CSMD3: variants seen among roughly 807,000 people sequenced by gnomAD.
The protein encoded by CSMD3 is CUB and sushi domain-containing protein 3.
A neutral mutation model predicts 435.2 loss-of-function variants in CSMD3; 177 were observed. The ratio of observed to expected loss-of-function variants is 0.41; its 90% CI spans 0.36 to 0.46. The LOEUF (loss-of-function observed/expected upper bound fraction) is 0.46, where lower values mean the gene tolerates loss of function less well. CSMD3 is among the 20% of genes least tolerant of loss of function. The probability of loss-of-function intolerance (pLI) is 0.34; values close to 1 mark genes in which losing one functional copy is unlikely to be tolerated. For synonymous variants in CSMD3, 1,656 were observed against 1,520.5 expected, an observed-to-expected ratio of 1.09 and a Z score of -2.07; for missense variants, 4,265 against 4,504.6, an observed-to-expected ratio of 0.95 and a Z score of 1.52.
chr8:112,732,606 C>T lies in CSMD3; in HGVS notation c.1973-42556G>A, dbSNP rs543030153. ...TATTAGCTGGGCATGGTGGTGCATG[C>T]CTGTGATCCCAGCTACTTGGGAGGC... On this transcript the variant is annotated intron_variant, in intron 13 of 70. Coordinates refer to ENST00000297405, the MANE Select transcript of CSMD3 (RefSeq NM_198123.2). 1.3e-3 allele frequency among the ~76,000 whole-genome samples: 189 copies of T among 150,636 alleles called. 1 individual carries two copies. Among genetic ancestry groups the T allele is most frequent in the African/African-American group, 4.1e-3 (166 of 40,890 alleles).
At chr8:113,381,892 A>G (rs2133107757) in intron 1 of CSMD3, among the ~76,000 whole-genome samples, 1 of 152,274 alleles carries the variant, frequency 6.6e-6, no homozygotes, top group Admixed American at 6.5e-5. Context: ...ACAAATAGAT[A>G]ACTTTGGAAT....
intron 13 of CSMD3, among the ~76,000 whole-genome samples, chr8:112,747,758 G>A (rs1265903428): frequency 6.6e-6 from 1 of 151,964 alleles, no homozygotes; most frequent in African/African-American, 2.4e-5. Context: ...GGCGGATCAC[G>A]AGGTCAGGAG....
At chr8:112,289,912 G>T (rs1396356606) in intron 56 of CSMD3, among the ~76,000 whole-genome samples, 1 of 152,082 alleles carries the variant, frequency 6.6e-6, no homozygotes, top group East Asian at 1.9e-4. Context: ...TTAAGGAGAA[G>T]ATTAATGTGG....
intron 5 of CSMD3, among the ~76,000 whole-genome samples, chr8:113,093,128 C>A (rs1429427611): frequency 2.6e-5 from 4 of 152,098 alleles, no homozygotes; most frequent in Admixed American, 6.6e-5. Flanking sequence ...GATCCAAGTT[C>A]TCATTAAGAT....
At chr8:112,446,975 G>T (rs1563545224) in intron 32 of CSMD3, among the ~76,000 whole-genome samples, 2 of 152,012 alleles carry the variant, frequency 1.3e-5, no homozygotes, top group South Asian at 2.1e-4. Flanking sequence ...TATTGATTGA[G>T]GTTGTTGTTC....
intron 42 of CSMD3, among the ~76,000 whole-genome samples, chr8:112,338,119 T>C (rs1026866836): frequency 2.0e-5 from 3 of 152,170 alleles, no homozygotes; most frequent in African/African-American, 7.2e-5. Context: ...AATAAGAATA[T>C]GTATAAGCCT....
chr8:113,312,471 T>C (rs2093877005), intron 2 of CSMD3: 1 of 152,166 alleles, frequency 6.6e-6, no homozygotes, highest in African/African-American at 2.4e-5. Flanking sequence ...AAAGAAAGAA[T>C]GAGAACAATA....
At chr8:112,657,494 A>T (rs906709573) in intron 17 of CSMD3, among the ~76,000 whole-genome samples, 52 of 152,194 alleles carry the variant, frequency 3.4e-4, no homozygotes, top group Admixed American at 3.9e-4. Context: ...TGCTGTTTTC[A>T]ATTCTTTAAA....
chr8:113,298,775 A>C (rs1317177383), intron 2 of CSMD3, among the ~76,000 whole-genome samples: 1 of 152,126 alleles, frequency 6.6e-6, no homozygotes, highest in Admixed American at 6.6e-5. Context: ...AGCAGAGTTC[A>C]AGGTCTGGCT....
intron 10 of CSMD3, among the ~76,000 whole-genome samples, chr8:112,898,137 T>C (rs1377996570): frequency 6.6e-6 from 1 of 151,268 alleles, no homozygotes; most frequent in African/African-American, 2.4e-5. Flanking sequence ...CAATGTTAAA[T>C]AGCTTCATAA....
At chr8:112,528,135 T>C (rs1472839573) in intron 27 of CSMD3, among the ~76,000 whole-genome samples, 2 of 152,136 alleles carry the variant, frequency 1.3e-5, no homozygotes, top group Non-Finnish European at 2.9e-5. Context: ...TCACCACTTT[T>C]TAAAAAAATT....
chr8:112,740,811 A>C (rs1440738635), intron 13 of CSMD3, among the ~76,000 whole-genome samples: 1 of 151,932 alleles, frequency 6.6e-6, no homozygotes, highest in African/African-American at 2.4e-5. Flanking sequence ...GGTCCTTCCA[A>C]CATAGTTGAT....
At chr8:112,484,147 G>A (rs1819896310) in intron 31 of CSMD3, among the ~76,000 whole-genome samples, 1 of 152,082 alleles carries the variant, frequency 6.6e-6, no homozygotes, top group Non-Finnish European at 1.5e-5. Flanking sequence ...ATATTCAGGA[G>A]CTCCTTTCCT....
At position 112,322,729 on chromosome 8, in the gene CSMD3, T is replaced by C. The variant is rs932791073; in HGVS notation, c.7166-2748A>G. On this transcript the variant is annotated intron_variant, in intron 45 of 70. Transcript: ENST00000297405. ...TTTCCCACTCCTCACTGTTATTTTC[T>C]AATCACAGAACCCCTTTTGTGGCAC... Among the ~76,000 whole-genome samples the C allele has an allele frequency of 6.6e-5, 10 of 152,080 alleles. 1 individual carries two copies. The highest frequency in any genetic ancestry group is 6.6e-4 in the Admixed American group (10 of 15,238).
At chr8:112,456,781 A>C (rs980905498) in intron 32 of CSMD3, among the ~76,000 whole-genome samples, 5 of 152,104 alleles carry the variant, frequency 3.3e-5, no homozygotes, top group African/African-American at 9.6e-5. Flanking sequence ...TATAGCTATA[A>C]ATTTTGTCCT....
chr8:112,230,558 G>A (rs1020036373), intron 69 of CSMD3, among the ~76,000 whole-genome samples: 1 of 152,148 alleles, frequency 6.6e-6, no homozygotes, highest in Non-Finnish European at 1.5e-5. Context: ...GGAGGCCAAG[G>A]CGGGCGGATC....
At chr8:112,444,140 C>T (rs1420213338) in intron 32 of CSMD3, among the ~76,000 whole-genome samples, 1 of 152,070 alleles carries the variant, frequency 6.6e-6, no homozygotes, top group East Asian at 1.9e-4. Context: ...TGGGAAAAGG[C>T]TTCAAAATGA....
intron 65 of CSMD3, among the ~76,000 whole-genome samples, chr8:112,244,052 T>C (rs190949565): frequency 6.6e-6 from 1 of 152,226 alleles, no homozygotes; most frequent in Admixed American, 6.6e-5. Flanking sequence ...TTTGGACTTC[T>C]GGACTTCAGA....
intron 10 of CSMD3, among the ~76,000 whole-genome samples, chr8:112,881,404 A>G (rs1376236752): frequency 1.3e-5 from 2 of 152,098 alleles, no homozygotes; most frequent in African/African-American, 2.4e-5. Flanking sequence ...GCATTTTTTA[A>G]AGACATTAAA....
Sources: allele counts gnomAD v4.1 joint callset (sites outside exome capture counted in the v4.1 genomes callset), GRCh38; gene constraint gnomAD v4.1.1; transcripts MANE v1.5; gene names NCBI Gene and HGNC (gene_info 2026-07-23, HGNC 2026-07-21).